Variants in PCYOX1L observed in about 807,000 individuals in gnomAD.
The protein encoded by PCYOX1L is prenylcysteine oxidase 1-like.
PCYOX1L carries 40 observed loss-of-function variants against 44.1 expected under a neutral mutation model. The ratio of observed to expected loss-of-function variants is 0.91; its 90% CI spans 0.70 to 1.18. The LOEUF (loss-of-function observed/expected upper bound fraction) is 1.18, where lower values mean the gene tolerates loss of function less well. PCYOX1L is among the 50% of genes most tolerant of loss of function. PCYOX1L has a pLI of 0.00. For synonymous variants in PCYOX1L, 266 were observed against 282.8 expected, an observed-to-expected ratio of 0.94 and a Z score of 0.60; for missense variants, 605 against 653.3, an observed-to-expected ratio of 0.93 and a Z score of 0.81.
intron 1 of PCYOX1L, among the ~76,000 whole-genome samples, chr5:149,360,551 A>ACT (rs951546161): frequency 1.3e-5 from 2 of 152,064 alleles, no homozygotes; most frequent in African/African-American, 2.4e-5. Context: ...GTGATCATGC[A>ACT]CTCTCTCTCT....
chr5:149,364,852 A>G (rs1758146386), intron 3 of PCYOX1L: 1 of 152,320 alleles, frequency 6.6e-6, no homozygotes, highest in Admixed American at 6.5e-5. Context: ...CCCCCTCCCC[A>G]TCACCTTTGG....
Position 149,368,374 on chromosome 5 carries a change from T to A in PCYOX1L, c.1205T>A (p.Leu402His). ...TGGCGAGTCCAGTCCCCCAAGCCCC[T>A]CTTTCGGACCCAGCTAAAGACCCTG... Reference protein sequence around the residue: ...AVWRVQSPKPLFRTQLKTLFR... With the variant: ...AVWRVQSPKPHFRTQLKTLFR... Residue 402 changes from leucine (L) to histidine (H), a missense_variant, in exon 6 of 6, where the codon CTC (leucine) becomes CAC (histidine). Coordinates refer to ENST00000274569, the MANE Select transcript of PCYOX1L (RefSeq NM_024028.4). 6.2e-7 allele frequency: 1 copy of A among 1,614,078 alleles called. No individual in the cohort carries two copies. The highest frequency in any genetic ancestry group is 1.3e-5 in the African/African-American group (1 of 74,994).
rs773319799 is a variant in PCYOX1L at position 149,368,101 on chromosome 5, G to A, written c.932G>A (p.Ser311Asn). 6.2e-6 allele frequency: 10 copies of A among 1,612,502 alleles called. No homozygotes were observed. Among genetic ancestry groups the A allele is most frequent in the South Asian group, 4.4e-5 (4 of 90,802 alleles). Residue 311 changes from serine to asparagine, a missense_variant, in exon 6 of 6, where the codon AGC becomes AAC. Physicochemically the swap from Ser to Asn is conservative, Grantham distance 46. Transcript: ENST00000274569. Reference protein sequence around the residue: ...ATPLHLDNSSSNLTFAGFHPP... With the variant: ...ATPLHLDNSSNNLTFAGFHPP... ...CCCCTGCACCTGGACAACAGCAGCA[G>A]CAACTTAACCTTTGCAGGCTTCCAC...
chr5:149,364,609 A>G (rs1758137983), intron 3 of PCYOX1L: 1 of 172,900 alleles, frequency 5.8e-6, no homozygotes, highest in Admixed American at 5.7e-5. Context: ...TACAATGCCC[A>G]CCTCATGTGG....
chr5:149,365,932 T>C lies in PCYOX1L; in HGVS notation c.471-10T>C. ...CCTGCACAAGGACTCCAGCTCTATG[T>C]GTCTTCTAGGATCTATAAGTACCAG... On this transcript the variant is annotated splice_polypyrimidine_tract_variant and intron_variant, in intron 3 of 5. Transcript: ENST00000274569. 1 of 1,614,044 alleles carries C rather than the reference T, an allele frequency of 6.2e-7. No individual in the cohort carries two copies. The highest frequency in any genetic ancestry group is 1.3e-5 in the African/African-American group (1 of 75,062).
chr5:149,367,216 C>T (rs112503870), intron 4 of PCYOX1L, 144 bp from the exon 5 acceptor site: 1 of 974,722 alleles, frequency 1.0e-6, no homozygotes, highest in Non-Finnish European at 1.5e-6. Flanking sequence ...GTTGTACTTA[C>T]TTGTATGTTT....
rs2127614626 is a variant in PCYOX1L, at chr5:149,367,851, G to A, written c.824-142G>A. ...CTTCTTCTGCAGCCGCATCAGCATG[G>A]AGAGGCCAGGACCCACCATTTAGAC... On this transcript the variant is annotated intron_variant, in intron 5 of 5. Coordinates refer to ENST00000274569, the MANE Select transcript of PCYOX1L (RefSeq NM_024028.4). The A allele has an allele frequency of 1.7e-5, 15 of 868,406 alleles. No individual in the cohort carries two copies. In the South Asian group the frequency reaches 2.4e-4, roughly 14 times the overall value. The allele number at this position is 868,406 out of a possible 1,614,324, so 53.8% of individuals were successfully genotyped here.
At chr5:149,361,245 C>T (rs147985559) in intron 1 of PCYOX1L, among the ~76,000 whole-genome samples, 70 of 152,056 alleles carry the variant, frequency 4.6e-4, no homozygotes, top group Non-Finnish European at 8.4e-4. Context: ...CTCATCTCTA[C>T]GAAAAATATG....
At chr5:149,365,749 C>A (rs979535556) in intron 3 of PCYOX1L, 193 bp from the exon 4 acceptor site, 1 of 605,836 alleles carries the variant, frequency 1.7e-6, no homozygotes, top group African/African-American at 1.8e-5. Flanking sequence ...TACCTTCACA[C>A]TCCCTTTAGG....
At position 149,364,132 on chromosome 5, in the gene PCYOX1L, T is replaced by A. The variant is rs758459906; in HGVS notation, c.392T>A (p.Phe131Tyr). 1 of 1,614,128 alleles carries A rather than the reference T, an allele frequency of 6.2e-7. No individual in the cohort carries two copies. Among genetic ancestry groups the A allele is most frequent in the South Asian group, 1.1e-5 (1 of 91,078 alleles). Residue 131 changes from phenylalanine (F) to tyrosine (Y), a missense_variant, in exon 3 of 6, where the codon TTC becomes TAC. Coordinates refer to ENST00000274569, the MANE Select transcript of PCYOX1L (RefSeq NM_024028.4). ...EETDWYLLNL[F>Y]RLWWHYGISF... ...ACTGACTGGTACCTGCTGAACCTCT[T>A]CCGCCTCTGGTGGCACTATGGCATC...
At chr5:149,366,286 C>G in intron 4 of PCYOX1L, 133 bp downstream of exon 4, 1 of 893,638 alleles carries the variant, frequency 1.1e-6, no homozygotes, top group Non-Finnish European at 1.7e-6. Flanking sequence ...GCTGCCCCAT[C>G]CTGCCTGATT....
chr5:149,361,037 G>A (rs1461842877), intron 1 of PCYOX1L, among the ~76,000 whole-genome samples: 2 of 152,212 alleles, frequency 1.3e-5, no homozygotes, highest in African/African-American at 4.8e-5. Context: ...TACATGGTGA[G>A]CAAAAATTAT....
chr5:149,368,321 G>A lies in PCYOX1L; in HGVS notation c.1152G>A (p.Arg384=). ...CTGTCAACATCTCTGCCAGCTTCCGGCGAAAGCAGCCCCAGGAGGCAGCTG... is the reference window on the plus strand; with the variant it reads ...CTGTCAACATCTCTGCCAGCTTCCGACGAAAGCAGCCCCAGGAGGCAGCTG... The part of the protein sequence containing the change: ...ICPVNISASF[R]RKQPQEAAVW... Residue 384 remains arginine (R), a synonymous_variant, in exon 6 of 6, where the codon CGG becomes CGA. Coordinates refer to ENST00000274569, the MANE Select transcript of PCYOX1L (RefSeq NM_024028.4). The A allele has an allele frequency of 6.2e-7, 1 of 1,614,112 alleles. No individual in the cohort carries two copies. Among genetic ancestry groups the A allele is most frequent in the Admixed American group, 1.7e-5 (1 of 60,010 alleles).
Position 149,368,280 on chromosome 5 carries a change from C to G in PCYOX1L, c.1111C>G (p.Leu371Val), listed in dbSNP as rs1252942797. ...AGATTTCCCCAGCTTCTTCTGCACTCTGGACAACATCTGCCCTGTCAACAT... is the reference window on the plus strand; with the variant it reads ...AGATTTCCCCAGCTTCTTCTGCACTGTGGACAACATCTGCCCTGTCAACAT... ...TTDFPSFFCTLDNICPVNISA... is the reference protein window; with the variant it reads ...TTDFPSFFCTVDNICPVNISA... Residue 371 changes from leucine to valine, a missense_variant, in exon 6 of 6, where the codon CTG (leucine) becomes GTG (valine). Physicochemically the swap from Leu to Val is conservative, Grantham distance 32. Coordinates refer to ENST00000274569, the MANE Select transcript of PCYOX1L (RefSeq NM_024028.4). 6.2e-7 allele frequency: 1 copy of G among 1,614,208 alleles called. No individual in the cohort carries two copies.
chr5:149,358,144 C>G lies in PCYOX1L; in HGVS notation c.76C>G (p.Pro26Ala). ...AAAAAGGDAP[P>A]GKIAVVGAGI... Reference sequence around the variant, plus strand: ...CGCCGCTGCTGGCGGAGATGCCCCGCCGGGCAAAATCGGTGCGGGAAGGAC... The same window carrying G: ...CGCCGCTGCTGGCGGAGATGCCCCGGCGGGCAAAATCGGTGCGGGAAGGAC... The change falls in exon 1 of 6, where the codon CCG (proline) becomes GCG (alanine). Residue 26 changes from proline to alanine, a missense_variant. Transcript: ENST00000274569. The G allele has an allele frequency of 6.9e-7, 1 of 1,458,778 alleles. No individual in the cohort carries two copies. Among genetic ancestry groups the G allele is most frequent in the East Asian group, 3.0e-5 (1 of 33,128 alleles). The allele number at this position is 1,458,778 out of a possible 1,614,324, so 90.4% of individuals were successfully genotyped here. A position where few individuals can be genotyped will look rare whatever the true frequency, so the allele number is the denominator to read the frequency against.
intron 1 of PCYOX1L, among the ~76,000 whole-genome samples, chr5:149,360,187 C>T (rs1357149234): frequency 6.6e-6 from 1 of 152,210 alleles, no homozygotes; most frequent in Non-Finnish European, 1.5e-5. Flanking sequence ...CTGCCCATTC[C>T]ATGCTGGGGT....
intron 5 of PCYOX1L, among the ~76,000 whole-genome samples, 168 bp downstream of exon 5, chr5:149,367,668 C>G (rs1382913283): frequency 6.6e-6 from 1 of 152,202 alleles, no homozygotes; most frequent in Non-Finnish European, 1.5e-5. Context: ...GTGCTGTTTC[C>G]CCAATTCAGA....
At position 149,364,136 on chromosome 5, in the gene PCYOX1L, C is replaced by T; in HGVS notation, c.396C>T (p.Arg132=). ...ACTGGTACCTGCTGAACCTCTTCCG[C>T]CTCTGGTGGCACTATGGCATCAGCT... The part of the protein sequence containing the change: ...ETDWYLLNLF[R]LWWHYGISFL... Residue 132 remains arginine (R), a synonymous_variant, in exon 3 of 6, where the codon CGC becomes CGT. Transcript: ENST00000274569. 6.2e-7 allele frequency: 1 copy of T among 1,614,132 alleles called. No homozygotes were observed.
chr5:149,365,816 C>G (rs999521133), intron 3 of PCYOX1L, 126 bp from the exon 4 acceptor site: 13 of 816,288 alleles, frequency 1.6e-5, no homozygotes, highest in Non-Finnish European at 1.2e-5. Flanking sequence ...CCAGCCTCTT[C>G]TGCCACCACT....
Sources: allele counts gnomAD v4.1 joint callset (sites outside exome capture counted in the v4.1 genomes callset), GRCh38; gene constraint gnomAD v4.1.1; transcripts MANE v1.5; gene names NCBI Gene and HGNC (gene_info 2026-07-23, HGNC 2026-07-21).